BMPER: variants seen among roughly 807,000 people sequenced by gnomAD.
BMPER encodes BMP binding endothelial regulator, also known as BMP-binding endothelial regulator protein.
Under a neutral mutation model 87.3 loss-of-function variants are expected in BMPER, and 45 were observed. The observed-to-expected ratio is 0.52, with a 90% CI of 0.41 to 0.66. The LOEUF is 0.66. BMPER is among the 30% of genes least tolerant of loss of function. The pLI, the probability that BMPER is intolerant of heterozygous loss-of-function variation, is 0.00. For missense variants in BMPER, 784 were observed against 867.5 expected (o/e 0.90, Z 1.21); for synonymous variants, 326 against 316.2 (o/e 1.03, Z -0.33).
intron 11 of BMPER, among the ~76,000 whole-genome samples, chr7:34,067,884 A>C (rs1307243645): frequency 6.6e-6 from 1 of 152,150 alleles, no homozygotes; most frequent in Non-Finnish European, 1.5e-5. Context: ...TCTTGCTGTA[A>C]ATTAGTACAG....
intron 13 of BMPER, among the ~76,000 whole-genome samples, chr7:34,092,750 G>A (rs774246773): frequency 5.3e-5 from 8 of 152,158 alleles, no homozygotes; most frequent in African/African-American, 9.7e-5. Context: ...AATCTGGTCA[G>A]TCCAATTTTC....
intron 13 of BMPER, among the ~76,000 whole-genome samples, chr7:34,137,769 A>G (rs1423962882): frequency 1.3e-5 from 2 of 152,246 alleles, no homozygotes; most frequent in Non-Finnish European, 2.9e-5. Flanking sequence ...GGGACATTCT[A>G]TGATTTGGTA....
chr7:34,147,214 A>G (rs1385355971), intron 14 of BMPER, among the ~76,000 whole-genome samples: 2 of 152,272 alleles, frequency 1.3e-5, no homozygotes, highest in Middle Eastern at 3.4e-3. Flanking sequence ...TGCCCTAATT[A>G]TATACACTGA....
chr7:33,916,325 G>T (rs1434994487), intron 2 of BMPER, among the ~76,000 whole-genome samples: 3 of 152,204 alleles, frequency 2.0e-5, no homozygotes, highest in Non-Finnish European at 4.4e-5. Flanking sequence ...TGTTTTCTCA[G>T]TGAGGCCCAG....
chr7:34,116,349 A>G (rs1790118217), intron 13 of BMPER, among the ~76,000 whole-genome samples: 1 of 152,164 alleles, frequency 6.6e-6, no homozygotes. Flanking sequence ...AAATACAGTG[A>G]GTTTTTTTTC....
At chr7:33,974,375 T>G (rs373853053) in intron 5 of BMPER, among the ~76,000 whole-genome samples, 10 of 152,186 alleles carry the variant, frequency 6.6e-5, no homozygotes, top group African/African-American at 2.4e-4. Flanking sequence ...CTGGCCCCCC[T>G]GGGTTTGGTC....
chr7:34,063,429 T>G (rs915858065), intron 11 of BMPER, among the ~76,000 whole-genome samples: 2 of 151,968 alleles, frequency 1.3e-5, no homozygotes, highest in Non-Finnish European at 2.9e-5. Context: ...CTATTAAATA[T>G]AATATTTATC....
chr7:34,046,035 T>A (rs1787955084), intron 6 of BMPER, among the ~76,000 whole-genome samples: 1 of 152,076 alleles, frequency 6.6e-6, no homozygotes, highest in Non-Finnish European at 1.5e-5. Flanking sequence ...GTAAAGGTGG[T>A]TTTGAGATGC....
At chr7:34,108,216 A>T (rs1789874014) in intron 13 of BMPER, among the ~76,000 whole-genome samples, 1 of 152,188 alleles carries the variant, frequency 6.6e-6, no homozygotes, top group Admixed American at 6.5e-5. Flanking sequence ...TTGTCTTTCG[A>T]TATACTGATC....
At chr7:34,124,219 T>C (rs1262247376) in intron 13 of BMPER, among the ~76,000 whole-genome samples, 1 of 152,234 alleles carries the variant, frequency 6.6e-6, no homozygotes, top group East Asian at 1.9e-4. Flanking sequence ...TCTCCCATGA[T>C]GAACTAATGT....
intron 6 of BMPER, among the ~76,000 whole-genome samples, chr7:33,985,966 C>T (rs1158016630): frequency 6.6e-6 from 1 of 152,194 alleles, no homozygotes; most frequent in Non-Finnish European, 1.5e-5. Flanking sequence ...CTTTACCCCT[C>T]AAATCTTGAT....
Position 33,906,903 on chromosome 7 carries a change from G to C in BMPER, c.219G>C (p.Leu73Phe). The change falls in exon 2 of 15, where the codon TTG (leucine) becomes TTC (phenylalanine). Residue 73 changes from leucine (L) to phenylalanine (F), a missense_variant and splice_region_variant. Coordinates refer to ENST00000649409, the MANE Select transcript of BMPER (RefSeq NM_001365308.1). ...ACCCTTGCATAATGTGTGTCTGCTT[G>C]GTAAGTGTGGAGATCAGGTAATATG... Reference protein sequence around the residue: ...TDNPCIMCVCLNKEVTCKREK... With the variant: ...TDNPCIMCVCFNKEVTCKREK... 1 of 1,610,870 alleles carries C rather than the reference G, an allele frequency of 6.2e-7. No individual in the cohort carries two copies. Among genetic ancestry groups the C allele is most frequent in the Non-Finnish European group, 8.5e-7 (1 of 1,177,304 alleles).
intron 13 of BMPER, among the ~76,000 whole-genome samples, chr7:34,138,717 G>T (rs960291784): frequency 2.6e-5 from 4 of 152,176 alleles, no homozygotes; most frequent in Non-Finnish European, 4.4e-5. Context: ...ATAGAAACCA[G>T]TCAGGCAGGC....
chr7:33,991,130 T>C (rs1470984034), intron 6 of BMPER, among the ~76,000 whole-genome samples: 3 of 147,302 alleles, frequency 2.0e-5, no homozygotes, highest in African/African-American at 5.0e-5. Flanking sequence ...GCTGGCCTCA[T>C]AAAATGAGTT....
chr7:34,022,342 G>A lies in BMPER; in HGVS notation c.577-23964G>A, dbSNP rs144572818. On this transcript the variant is annotated intron_variant, in intron 6 of 14. Coordinates refer to ENST00000649409, the MANE Select transcript of BMPER (RefSeq NM_001365308.1). The stretch of plus-strand genomic sequence containing the variant: ...CCTTCCCTCGTCCTGTGCCAGCTTT[G>A]GGGGAATTCCCAGTGAGGAGTGCTG... Among the ~76,000 whole-genome samples the A allele has an allele frequency of 2.1e-3, 318 of 151,998 alleles. 2 individuals carry two copies. Among genetic ancestry groups the A allele is most frequent in the African/African-American group, 6.2e-3 (258 of 41,492 alleles).
chr7:34,039,659 G>A (rs928673308), intron 6 of BMPER, among the ~76,000 whole-genome samples: 12 of 151,116 alleles, frequency 7.9e-5, no homozygotes, highest in Non-Finnish European at 1.8e-4. Context: ...CCACTGTGGT[G>A]TATACATGCC....
At chr7:33,948,934 T>TGA (rs370365732) in intron 3 of BMPER, among the ~76,000 whole-genome samples, 1,737 of 146,560 alleles carry the variant, frequency 0.012, 19 homozygotes, top group Middle Eastern at 0.031. Flanking sequence ...AGAGAGAAAG[T>TGA]GAGAGAGAGA....
intron 6 of BMPER, among the ~76,000 whole-genome samples, chr7:34,039,178 T>A (rs1375800468): frequency 1.3e-5 from 2 of 152,328 alleles, no homozygotes; most frequent in East Asian, 1.9e-4. Flanking sequence ...GAAGCTATGA[T>A]GTGTGCTAGC....
In BMPER at chr7:34,058,087, G is replaced by A; in HGVS notation, c.956G>A (p.Cys319Tyr). Residue 319 changes from cysteine to tyrosine, a missense_variant, in exon 10 of 15, where the codon TGT (cysteine) becomes TAT (tyrosine). Physicochemically the swap from Cys to Tyr is radical, Grantham distance 194. Coordinates refer to ENST00000649409, the MANE Select transcript of BMPER (RefSeq NM_001365308.1). The part of the protein sequence containing the change: ...QDGEMWSSIN[C>Y]TICACVKGRT... ...GGAGAGATGTGGTCCTCTATCAATT[G>A]TACCATCTGTGCTTGTGTGAAAGGC... is the stretch of plus-strand genomic sequence containing the variant. 1 of 1,614,106 alleles carries A rather than the reference G, an allele frequency of 6.2e-7. No homozygotes were observed. The highest frequency in any genetic ancestry group is 8.5e-7 in the Non-Finnish European group (1 of 1,179,996).
Sources: allele counts gnomAD v4.1 joint callset (sites outside exome capture counted in the v4.1 genomes callset), GRCh38; gene constraint gnomAD v4.1.1; transcripts MANE v1.5; gene names NCBI Gene and HGNC (gene_info 2026-07-23, HGNC 2026-07-21).